RFT1: variants seen among roughly 807,000 people sequenced by gnomAD.
RFT1 encodes the protein man(5)GlcNAc(2)-PP-dolichol translocation protein RFT1.
Under a neutral mutation model 62.2 loss-of-function variants are expected in RFT1, and 43 were observed. That is an observed-to-expected ratio of 0.69 (90% CI 0.54 to 0.89). The LOEUF is 0.89. Among genes scored for constraint, RFT1 ranks in the 40% least tolerant of loss-of-function variants. The probability of loss-of-function intolerance (pLI) is 0.00; values close to 1 mark genes in which losing one functional copy is unlikely to be tolerated. For synonymous variants in RFT1, 262 were observed against 264.6 expected, an observed-to-expected ratio of 0.99 and a Z score of 0.10; for missense variants, 605 against 649.9, an observed-to-expected ratio of 0.93 and a Z score of 0.75.
intron 9 of RFT1, among the ~76,000 whole-genome samples, 155 bp from the exon 10 acceptor site, chr3:53,104,252 C>T (rs775859918): frequency 7.2e-5 from 11 of 152,274 alleles, no homozygotes; most frequent in Middle Eastern, 3.4e-3. Flanking sequence ...TTTGTTTTCA[C>T]GTCAGTTAGC....
chr3:53,077,058 T>C, the RFT1 span, among the ~76,000 whole-genome samples: 2 of 152,020 alleles, frequency 1.3e-5, no homozygotes, highest in African/African-American at 4.8e-5. Context: ...CTTAAAACTA[T>C]GGGTCAAGAA....
chr3:53,090,803 C>A lies in RFT1; in HGVS notation c.*1100G>T, dbSNP rs1345460697. On this transcript the variant is annotated 3_prime_UTR_variant, in exon 13 of 13. Transcript: ENST00000296292. ...TAAAAACACTTCACACTCCAGAACACTGCTCATGATTTCACCTGCAGTGTG... is the reference window on the plus strand; with the variant it reads ...TAAAAACACTTCACACTCCAGAACAATGCTCATGATTTCACCTGCAGTGTG... 1 of 152,210 alleles carries A rather than the reference C, an allele frequency of 6.6e-6. No homozygotes were observed. Among genetic ancestry groups the A allele is most frequent in the East Asian group, 1.9e-4 (1 of 5,196 alleles). 9.4% of individuals were successfully genotyped at this position (152,210 alleles called of 1,614,324 possible). A position where few individuals can be genotyped will look rare whatever the true frequency, so the allele number is the denominator to read the frequency against.
chr3:53,128,704 T>C (rs1227982538), intron 1 of RFT1, among the ~76,000 whole-genome samples: 2 of 152,152 alleles, frequency 1.3e-5, no homozygotes, highest in East Asian at 3.8e-4. Flanking sequence ...AAAGACAAGG[T>C]TTCACCATGT....
chr3:53,098,418 G>GTCCCCATTTGAGACACTCCC (rs1701204487), intron 11 of RFT1, among the ~76,000 whole-genome samples: 1 of 138,956 alleles, frequency 7.2e-6, no homozygotes, highest in African/African-American at 3.4e-5. Flanking sequence ...AGGGGGAAGG[G>GTCCCCATTTGAGACACTCCC]TCCCCATTTG....
intron 9 of RFT1, among the ~76,000 whole-genome samples, chr3:53,105,162 C>T (rs1479219096): frequency 1.3e-5 from 2 of 152,244 alleles, no homozygotes; most frequent in Non-Finnish European, 2.9e-5. Flanking sequence ...ACCTGTAATC[C>T]TAGCACTTTG....
the RFT1 span, among the ~76,000 whole-genome samples, chr3:53,076,657 T>C: frequency 2.6e-5 from 4 of 152,094 alleles, no homozygotes; most frequent in African/African-American, 9.7e-5. Flanking sequence ...AAATCAATGT[T>C]CTAAAGGTGA....
Position 53,091,889 on chromosome 3 carries a change from A to C in RFT1, c.*14T>G. 6.2e-7 allele frequency: 1 copy of C among 1,614,040 alleles called. No individual in the cohort carries two copies. Among genetic ancestry groups the C allele is most frequent in the Non-Finnish European group, 8.5e-7 (1 of 1,179,990 alleles). On this transcript the variant is annotated 3_prime_UTR_variant, in exon 13 of 13. Transcript: ENST00000296292. ...GCTGGTCCAGGTGCCTCGGGTGTCC[A>C]GGCTTCCCTGAAGTCATGTCATTTT... is the stretch of plus-strand genomic sequence containing the variant.
At chr3:53,069,514 A>C in the RFT1 span, among the ~76,000 whole-genome samples, 2 of 152,248 alleles carry the variant, frequency 1.3e-5, no homozygotes, top group Admixed American at 1.3e-4. Context: ...GTAAAAGGAA[A>C]TAAATAAAAT....
At chr3:53,106,970 G>T in intron 7 of RFT1, 101 bp from the exon 8 acceptor site, 2 of 816,712 alleles carry the variant, frequency 2.4e-6, no homozygotes, top group Non-Finnish European at 4.2e-6. Context: ...GACAAATAAA[G>T]GAGAAATACT....
rs1701490079 is a variant in RFT1, at chr3:53,106,844, CA to C, written c.800del (p.Leu267Ter). ...CCTGATCACCAAAGTTCAATACATT[CA>C]AAAATGTCATCACATATCGCTCGCC... is the stretch of plus-strand genomic sequence containing the variant. ...TEGERYVMTF[L>X]NVLNFGDQGV... On this transcript the variant is annotated frameshift_variant, in exon 8 of 13. Transcript: ENST00000296292. LOFTEE classifies it high-confidence loss of function. 1 of 1,613,190 alleles carries C rather than the reference CA, an allele frequency of 6.2e-7. No individual in the cohort carries two copies. Among genetic ancestry groups the C allele is most frequent in the Non-Finnish European group, 8.5e-7 (1 of 1,179,420 alleles).
chr3:53,088,299 A>G (rs1700902473), downstream of RFT1, among the ~76,000 whole-genome samples: 1 of 152,240 alleles, frequency 6.6e-6, no homozygotes, highest in Non-Finnish European at 1.5e-5. Context: ...AGGAGGTGCC[A>G]GGATACCATC....
intron 11 of RFT1, among the ~76,000 whole-genome samples, chr3:53,093,008 C>T (rs1222933635): frequency 2.0e-5 from 3 of 152,172 alleles, no homozygotes; most frequent in Non-Finnish European, 4.4e-5. Context: ...AGAATGAACA[C>T]ACATGGGCCT....
the RFT1 span, among the ~76,000 whole-genome samples, chr3:53,076,748 C>T: frequency 6.6e-6 from 1 of 152,170 alleles, no homozygotes; most frequent in African/African-American, 2.4e-5. Flanking sequence ...GCCAGGAGTT[C>T]AAGACCAGCC....
chr3:53,099,715 G>T lies in RFT1; in HGVS notation c.1103-229C>A, dbSNP rs780693778. The stretch of plus-strand genomic sequence containing the variant: ...AAAAACAAAATGACAGGCTGGGCAC[G>T]GTGGCTCACACCTGTAATCCTAGCA... On this transcript the variant is annotated intron_variant, in intron 10 of 12. Transcript: ENST00000296292. Among the ~76,000 whole-genome samples the T allele has an allele frequency of 2.0e-5, 3 of 152,186 alleles. No homozygotes were observed. The East Asian group carries it at 5.8e-4, about 29-fold the overall frequency.
Position 53,130,328 on chromosome 3 carries a change from C to A in RFT1, c.63+10G>T. 1.3e-6 allele frequency: 2 copies of A among 1,565,586 alleles called. No homozygotes were observed. Among genetic ancestry groups the A allele is most frequent in the African/African-American group, 1.4e-5 (1 of 73,808 alleles). Reference sequence around the variant, plus strand: ...GCAGTACAAGCTGGAACCTGAAGGGCAGAGAGTACCTGCAGGAGGAGACCG... The same window carrying A: ...GCAGTACAAGCTGGAACCTGAAGGGAAGAGAGTACCTGCAGGAGGAGACCG... On this transcript the variant is annotated intron_variant, in intron 1 of 12. Coordinates refer to ENST00000296292, the MANE Select transcript of RFT1 (RefSeq NM_052859.4).
intron 7 of RFT1, among the ~76,000 whole-genome samples, 198 bp from the exon 8 acceptor site, chr3:53,107,067 T>C (rs1701499610): frequency 6.6e-6 from 1 of 152,098 alleles, no homozygotes; most frequent in Non-Finnish European, 1.5e-5. Flanking sequence ...GAGGACTTTA[T>C]TGACAGCAAA....
At chr3:53,107,141 T>A (rs971570101) in intron 7 of RFT1, among the ~76,000 whole-genome samples, 1 of 16,082 alleles carries the variant, frequency 6.2e-5, no homozygotes, top group African/African-American at 2.0e-4. Flanking sequence ...AAAAGGTTTT[T>A]TTTTTTTTTT....
downstream of RFT1, among the ~76,000 whole-genome samples, chr3:53,087,419 C>T (rs571834627): frequency 9.2e-5 from 14 of 152,294 alleles, no homozygotes; most frequent in Admixed American, 1.3e-4. Context: ...CAGCTCCCAC[C>T]GTCCGGGCCT....
intron 2 of RFT1, among the ~76,000 whole-genome samples, chr3:53,124,732 G>C (rs1702062397): frequency 6.6e-6 from 1 of 152,168 alleles, no homozygotes; most frequent in African/African-American, 2.4e-5. Flanking sequence ...AGCACTTTGG[G>C]AGACTAAGAT....
Sources: gnomAD v4.1 joint callset for allele counts (sites outside exome capture counted in the v4.1 genomes callset) on GRCh38, gnomAD v4.1.1 for gene constraint, MANE v1.5 for transcripts, NCBI Gene and HGNC (gene_info 2026-07-23, HGNC 2026-07-21) for gene names.